Variants in PCDH15 observed in about 807,000 individuals in gnomAD.
PCDH15 encodes protocadherin-15.
A neutral mutation model predicts 178.5 loss-of-function variants in PCDH15; 129 were observed. The observed-to-expected ratio is 0.72, with a 90% CI of 0.63 to 0.84. PCDH15 has a LOEUF of 0.84. PCDH15 is among the 40% of genes least tolerant of loss of function. PCDH15 has a pLI of 0.00. For synonymous variants in PCDH15, 800 were observed against 732.0 expected (o/e 1.09, Z -1.50); for missense variants, 2,230 against 2,099.9 (o/e 1.06, Z -1.21).
At chr10:54,521,350 T>C (rs1348695415) in intron 3 of PCDH15, among the ~76,000 whole-genome samples, 1 of 152,272 alleles carries the variant, frequency 6.6e-6, no homozygotes, top group Non-Finnish European at 1.5e-5. Context: ...CCTTAGAGAA[T>C]ACTGATGGGA....
intron 27 of PCDH15, among the ~76,000 whole-genome samples, chr10:53,865,177 G>A (rs1443694854): frequency 6.6e-6 from 1 of 152,274 alleles, no homozygotes; most frequent in African/African-American, 2.4e-5. Flanking sequence ...ATATAGGTCT[G>A]GAGAAAGGAG....
Position 54,628,601 on chromosome 10 carries a change from G to A in PCDH15, c.91+35571C>T, listed in dbSNP as rs770867572. On this transcript the variant is annotated intron_variant, in intron 2 of 37. Coordinates refer to ENST00000644397, the MANE Select transcript of PCDH15 (RefSeq NM_001384140.1). Reference sequence around the variant, plus strand: ...TAAATTTAAGCATCAATTGAAATACGGATGCAAAATTATTATACGTGATTA... The same window carrying A: ...TAAATTTAAGCATCAATTGAAATACAGATGCAAAATTATTATACGTGATTA... Among the ~76,000 whole-genome samples the A allele has an allele frequency of 4.5e-4, 68 of 152,072 alleles. 2 individuals are homozygous for A. Among genetic ancestry groups the A allele is most frequent in the East Asian group, 1.9e-4 (1 of 5,176 alleles).
chr10:54,435,292 C>G (rs2075308089), intron 3 of PCDH15, among the ~76,000 whole-genome samples: 1 of 152,102 alleles, frequency 6.6e-6, no homozygotes, highest in African/African-American at 2.4e-5. Flanking sequence ...GGAATTTTCT[C>G]TCTCCACTTT....
At position 53,802,835 on chromosome 10, in the gene PCDH15, C is replaced by T. The variant is rs1038219687; in HGVS notation, c.*3744G>A. 1 of 151,836 alleles carries T rather than the reference C, an allele frequency of 6.6e-6. No homozygotes were observed. Among genetic ancestry groups the T allele is most frequent in the African/African-American group, 2.4e-5 (1 of 41,408 alleles). The allele number at this position is 151,836 out of a possible 1,614,324, so 9.4% of individuals were successfully genotyped here. A position where few individuals can be genotyped will look rare whatever the true frequency, so the allele number is the denominator to read the frequency against. On this transcript the variant is annotated 3_prime_UTR_variant, in exon 38 of 38. Coordinates refer to ENST00000644397, the MANE Select transcript of PCDH15 (RefSeq NM_001384140.1). ...AATAACAATGCATTTTAACTTAAAA[C>T]TTCTAATTCAGATTCTTATACAGTA... is the stretch of plus-strand genomic sequence containing the variant.
chr10:55,131,382 G>A (rs1838039380), intron 2 of PCDH15, among the ~76,000 whole-genome samples: 1 of 152,160 alleles, frequency 6.6e-6, no homozygotes, highest in Admixed American at 6.5e-5. Context: ...TCAAAGCCCT[G>A]GCTCAGGGAG....
intron 13 of PCDH15, among the ~76,000 whole-genome samples, chr10:54,174,800 C>A (rs1281511293): frequency 7.4e-6 from 1 of 135,652 alleles, no homozygotes; most frequent in Non-Finnish European, 1.5e-5. Context: ...CCAAGAGATT[C>A]TCCCGCTTCA....
intron 1 of PCDH15, among the ~76,000 whole-genome samples, chr10:55,255,348 A>G (rs996141357): frequency 6.6e-6 from 1 of 152,184 alleles, no homozygotes; most frequent in Non-Finnish European, 1.5e-5. Flanking sequence ...AATCCAGTCT[A>G]TCATTGTTGG....
At chr10:55,612,998 A>G (rs1406976900) in intron 2 of PCDH15, among the ~76,000 whole-genome samples, 1 of 151,092 alleles carries the variant, frequency 6.6e-6, no homozygotes, top group East Asian at 2.0e-4. Flanking sequence ...AGACTCTCCA[A>G]TACATATTTA....
At chr10:54,407,636 C>A (rs1589249506) in intron 3 of PCDH15, among the ~76,000 whole-genome samples, 1 of 151,874 alleles carries the variant, frequency 6.6e-6, no homozygotes. Context: ...TATTTTCCAC[C>A]CAGAAAACTA....
chr10:55,159,621 A>G (rs1839005828), intron 2 of PCDH15, among the ~76,000 whole-genome samples: 1 of 148,148 alleles, frequency 6.8e-6, no homozygotes, highest in South Asian at 2.1e-4. Flanking sequence ...ATAAATATAT[A>G]TATATCTTAA....
chr10:55,138,500 C>T lies in PCDH15; in HGVS notation c.-80+28076G>A, dbSNP rs956147098. ...AACTTGTAGGGAACTCTGCGTTTCC[C>T]CCAATGTTGTGTCCTGTAGGAGCTC... On this transcript the variant is annotated intron_variant, in intron 2 of 5. Coordinates refer to the PCDH15 transcript ENST00000458638. Among the ~76,000 whole-genome samples, 7 of 152,058 alleles carry T rather than the reference C, an allele frequency of 4.6e-5. No homozygotes were observed. The South Asian group carries it at 8.3e-4, about 18-fold the overall frequency.
chr10:55,174,811 A>G (rs1300362313), intron 1 of PCDH15, among the ~76,000 whole-genome samples: 1 of 152,124 alleles, frequency 6.6e-6, no homozygotes, highest in African/African-American at 2.4e-5. Context: ...ATGCCCCTAT[A>G]AGAGATGCCT....
intron 3 of PCDH15, among the ~76,000 whole-genome samples, chr10:54,421,690 A>ATATATATATATATATATATATATG: frequency 9.0e-6 from 1 of 110,942 alleles, no homozygotes; most frequent in South Asian, 2.9e-4. Flanking sequence ...ATATATATAT[A>ATATATATATATATATATATATATG]TATACACACA....
intron 2 of PCDH15, among the ~76,000 whole-genome samples, chr10:54,630,781 C>G (rs1054544795): frequency 6.6e-6 from 1 of 151,962 alleles, no homozygotes; most frequent in Non-Finnish European, 1.5e-5. Context: ...ATATCCGGAG[C>G]CTCTAAGGAA....
At chr10:54,309,287 GTATT>G (rs897019027) in intron 8 of PCDH15, among the ~76,000 whole-genome samples, 72 of 146,884 alleles carry the variant, frequency 4.9e-4, no homozygotes, top group African/African-American at 1.7e-3. Flanking sequence ...ATTACAATAA[GTATT>G]TATACACACA....
chr10:54,187,863 T>G (rs1591043385), intron 11 of PCDH15, among the ~76,000 whole-genome samples: 1 of 151,840 alleles, frequency 6.6e-6, no homozygotes, highest in South Asian at 2.1e-4. Context: ...AAGCCAGATT[T>G]GGAAATGTTC....
At chr10:55,237,829 C>CAA (rs530030004) in intron 1 of PCDH15, among the ~76,000 whole-genome samples, 10 of 143,274 alleles carry the variant, frequency 7.0e-5, no homozygotes, top group African/African-American at 2.6e-4. Flanking sequence ...TATTGGAATT[C>CAA]AAAAAAAAAA....
At chr10:55,152,391 T>G (rs2799585) in intron 2 of PCDH15, among the ~76,000 whole-genome samples, 137,250 of 152,032 alleles carry the variant, frequency 0.9, 62,630 homozygotes, top group Non-Finnish European at 0.97. Flanking sequence ...TTTTGAAAAT[T>G]TGAATAAGTG....
chr10:54,937,616 T>C (rs1327129118), intron 2 of PCDH15, among the ~76,000 whole-genome samples: 1 of 152,014 alleles, frequency 6.6e-6, no homozygotes, highest in African/African-American at 2.4e-5. Flanking sequence ...ATTTTTGGTT[T>C]GTGAATCACT....
Sources: gnomAD v4.1 joint callset for allele counts (sites outside exome capture counted in the v4.1 genomes callset) on GRCh38, gnomAD v4.1.1 for gene constraint, MANE v1.5 for transcripts, NCBI Gene and HGNC (gene_info 2026-07-23, HGNC 2026-07-21) for gene names.